Variants in FAT1 observed in about 807,000 individuals in gnomAD.
FAT1 encodes the protein FAT atypical cadherin 1, also known as protocadherin Fat 1.
In FAT1, 171 loss-of-function variants were observed where a neutral mutation model predicts 329.8. The observed-to-expected ratio is 0.52, with a 90% CI of 0.46 to 0.59. FAT1 has a LOEUF of 0.59. FAT1 is among the 20% of genes least tolerant of loss of function. The pLI is 0.00. For synonymous variants in FAT1, 2,233 were observed against 2,228.6 expected (o/e 1.00, Z -0.06); for missense variants, 5,672 against 5,774.4 (o/e 0.98, Z 0.57).
intron 2 of FAT1, among the ~76,000 whole-genome samples, chr4:186,669,114 C>T (rs576327280): frequency 6.6e-6 from 1 of 152,312 alleles, no homozygotes; most frequent in African/African-American, 2.4e-5. Context: ...TGCGGTCTCC[C>T]TCCTGTCTTC....
intron 22 of FAT1, 66 bp downstream of exon 22, chr4:186,599,832 T>C: frequency 8.1e-7 from 1 of 1,234,808 alleles, no homozygotes; most frequent in Non-Finnish European, 1.1e-6. Flanking sequence ...AAAAAATACC[T>C]GGGGAGCTTC....
rs1223175066 is a variant in FAT1, at chr4:186,588,071, T to G, written c.*521A>C. Reference sequence around the variant, plus strand: ...CTAGAAATGAATGACTACACTGAAATGTACTAACAAAATGTCACACTTCAG... The same window carrying G: ...CTAGAAATGAATGACTACACTGAAAGGTACTAACAAAATGTCACACTTCAG... On this transcript the variant is annotated 3_prime_UTR_variant, in exon 27 of 27. Coordinates refer to ENST00000441802, the MANE Select transcript of FAT1 (RefSeq NM_005245.4). 1 of 220,186 alleles carries G rather than the reference T, an allele frequency of 4.5e-6. No homozygotes were observed. The highest frequency in any genetic ancestry group is 2.3e-5 in the African/African-American group (1 of 44,224). The allele number at this position is 220,186 out of a possible 1,614,324, so 13.6% of individuals were successfully genotyped here.
intron 2 of FAT1, among the ~76,000 whole-genome samples, chr4:186,688,961 T>C (rs1743621437): frequency 6.6e-6 from 1 of 152,098 alleles, no homozygotes; most frequent in Admixed American, 6.5e-5. Context: ...AACCTGAAAA[T>C]GACCTTTTTA....
At chr4:186,690,186 A>C (rs192132441) in intron 2 of FAT1, among the ~76,000 whole-genome samples, 5 of 152,340 alleles carry the variant, frequency 3.3e-5, no homozygotes, top group African/African-American at 1.2e-4. Flanking sequence ...ACAGAGATAA[A>C]TTATACTTGT....
chr4:186,695,760 AACACACACAC>A lies in FAT1; in HGVS notation c.3265+10793_3265+10802del, dbSNP rs34932295. Among the ~76,000 whole-genome samples the A allele has an allele frequency of 4.5e-3, 634 of 141,336 alleles. 1 individual carries two copies. The highest frequency in any genetic ancestry group is 0.015 in the African/African-American group (558 of 37,758). The allele number at this position is 141,336 out of a possible 152,430, so 92.7% of individuals were successfully genotyped here. ...AATTTTTAATATGTATTATATATAA[AACACACACAC>A]ACACACACACACACACACACACACA... On this transcript the variant is annotated intron_variant, in intron 2 of 26. Coordinates refer to ENST00000441802, the MANE Select transcript of FAT1 (RefSeq NM_005245.4).
chr4:186,599,382 G>A (rs1738685351), intron 22 of FAT1, among the ~76,000 whole-genome samples: 1 of 151,994 alleles, frequency 6.6e-6, no homozygotes, highest in African/African-American at 2.4e-5. Context: ...AGGAGTCCAG[G>A]GTGCAAAAGA....
At chr4:186,714,442 T>C (rs1392005256) in intron 1 of FAT1, among the ~76,000 whole-genome samples, 2 of 152,050 alleles carry the variant, frequency 1.3e-5, no homozygotes, top group Non-Finnish European at 2.9e-5. Context: ...TGGGAACAGC[T>C]ACGGGCTATC....
chr4:186,613,137 T>G lies in FAT1; in HGVS notation c.9435A>C (p.Thr3145=), dbSNP rs1180513774. The G allele has an allele frequency of 1.2e-6, 2 of 1,612,672 alleles. No homozygotes were observed. Among genetic ancestry groups the G allele is most frequent in the South Asian group, 1.1e-5 (1 of 91,086 alleles). ...FENTEPGTLL[T]RVQATDADAG... is the part of the protein sequence containing the mutation. The stretch of plus-strand genomic sequence containing the variant: ...CGTCGGCATCTGTGGCCTGCACTCT[T>G]GTCAGCAGCGTTCCCGGCTCTGTGT... The change falls in exon 13 of 27, where the codon ACA becomes ACC. Residue 3145 remains threonine (T), a synonymous_variant. Coordinates refer to ENST00000441802, the MANE Select transcript of FAT1 (RefSeq NM_005245.4).
rs747465065 is a variant in FAT1 at position 186,618,263 on chromosome 4, G to C, written c.8323C>G (p.Gln2775Glu). The C allele has an allele frequency of 2.5e-6, 4 of 1,613,994 alleles. No homozygotes were observed. In the East Asian group the frequency reaches 6.7e-5, roughly 27 times the overall value. ...SLDHETTKWY[Q>E]FSILARCTQD... ...GTGCACCTGGCCAGTATGGAAAACTGATACCACTTAGTTGTCTCATGATCA... is the reference window on the plus strand; with the variant it reads ...GTGCACCTGGCCAGTATGGAAAACTCATACCACTTAGTTGTCTCATGATCA... The change falls in exon 10 of 27, where the codon CAG becomes GAG. Residue 2775 changes from glutamine (Q) to glutamate (E), a missense_variant. Coordinates refer to ENST00000441802, the MANE Select transcript of FAT1 (RefSeq NM_005245.4).
chr4:186,615,642 T>A (rs1739674646), intron 11 of FAT1, among the ~76,000 whole-genome samples: 1 of 152,216 alleles, frequency 6.6e-6, no homozygotes, highest in East Asian at 1.9e-4. Flanking sequence ...ATCCCAAACA[T>A]CCCAGCTCCA....
chr4:186,715,057 G>A (rs1209489412), intron 1 of FAT1, among the ~76,000 whole-genome samples: 2 of 151,004 alleles, frequency 1.3e-5, no homozygotes, highest in Non-Finnish European at 2.9e-5. Context: ...CAGCCTAGGT[G>A]ACAGAGCAAG....
At chr4:186,633,917 T>G in intron 6 of FAT1, 94 bp from the exon 7 acceptor site, 1 of 1,383,796 alleles carries the variant, frequency 7.2e-7, no homozygotes, top group Non-Finnish European at 1.0e-6. Flanking sequence ...CTGAAAAATC[T>G]TCTAATATAC....
chr4:186,667,410 C>T (rs138098340), intron 2 of FAT1, among the ~76,000 whole-genome samples: 3 of 152,262 alleles, frequency 2.0e-5, no homozygotes, highest in Non-Finnish European at 2.9e-5. Flanking sequence ...TTGTGTAATT[C>T]GCAATTAAAA....
At chr4:186,640,156 C>A (rs1178925736) in intron 3 of FAT1, among the ~76,000 whole-genome samples, 1 of 152,110 alleles carries the variant, frequency 6.6e-6, no homozygotes, top group South Asian at 2.1e-4. Flanking sequence ...AAACCATACT[C>A]TTGTAAAAGT....
At chr4:186,659,781 C>T (rs1487049679) in intron 3 of FAT1, among the ~76,000 whole-genome samples, 2 of 148,804 alleles carry the variant, frequency 1.3e-5, no homozygotes, top group Admixed American at 1.3e-4. Flanking sequence ...CTGCACTTTA[C>T]ACACACAATC....
chr4:186,616,581 C>A (rs923671), intron 11 of FAT1, among the ~76,000 whole-genome samples: 6,526 of 149,382 alleles, frequency 0.044, 311 homozygotes, highest in East Asian at 0.18. Flanking sequence ...GTGAGCCGCG[C>A]AGATGCAGGA....
chr4:186,698,045 G>C (rs1341868668), intron 2 of FAT1, among the ~76,000 whole-genome samples: 2 of 152,210 alleles, frequency 1.3e-5, no homozygotes, highest in Non-Finnish European at 2.9e-5. Flanking sequence ...TAGGCGTCCA[G>C]GGTGGCAGAA....
In FAT1 at chr4:186,723,678, G is replaced by C. The variant is rs1413911738; in HGVS notation, c.-33C>G. On this transcript the variant is annotated 5_prime_UTR_variant, in exon 1 of 27. Transcript: ENST00000441802. Reference sequence around the variant, plus strand: ...AGCGAACTAACCGCAAAGTTGGCCCGAAGTGGCGACGGCGCTCTCGTGGAG... The same window carrying C: ...AGCGAACTAACCGCAAAGTTGGCCCCAAGTGGCGACGGCGCTCTCGTGGAG... 1.3e-5 allele frequency: 2 copies of C among 151,242 alleles called. No homozygotes were observed. The highest frequency in any genetic ancestry group is 2.1e-4 in the South Asian group (1 of 4,792). 9.4% of individuals were successfully genotyped at this position (151,242 alleles called of 1,614,324 possible). A position where few individuals can be genotyped will look rare whatever the true frequency, so the allele number is the denominator to read the frequency against.
In FAT1 at chr4:186,619,589, A is replaced by G. The variant is rs1427415973; in HGVS notation, c.6997T>C (p.Phe2333Leu). ...FGNHSKSHDH[F>L]HVDSSTGLIS... ...AGGCCAGTGCTGCTGTCTACATGAA[A>G]ATGATCATGACTCTTGCTGTGATTC... Residue 2333 changes from phenylalanine to leucine, a missense_variant, in exon 10 of 27, where the codon TTT becomes CTT. Coordinates refer to ENST00000441802, the MANE Select transcript of FAT1 (RefSeq NM_005245.4). The G allele has an allele frequency of 1.2e-6, 2 of 1,613,848 alleles. No individual in the cohort carries two copies. The highest frequency in any genetic ancestry group is 1.7e-6 in the Non-Finnish European group (2 of 1,179,904).
Sources: gnomAD v4.1 joint callset for allele counts (sites outside exome capture counted in the v4.1 genomes callset) on GRCh38, gnomAD v4.1.1 for gene constraint, MANE v1.5 for transcripts, NCBI Gene and HGNC (gene_info 2026-07-23, HGNC 2026-07-21) for gene names.